The following PIP4K2A variants were observed in gnomAD, a reference collection of about 807,000 sequenced individuals.
The protein encoded by PIP4K2A is phosphatidylinositol 5-phosphate 4-kinase type-2 alpha.
A neutral mutation model predicts 42.9 loss-of-function variants in PIP4K2A; 14 were observed. The ratio of observed to expected loss-of-function variants is 0.33; its 90% confidence interval spans 0.22 to 0.51. The LOEUF (loss-of-function observed/expected upper bound fraction) is 0.51, where lower values mean the gene tolerates loss of function less well. Ranked by LOEUF, PIP4K2A falls within the 20% of genes least tolerant of loss-of-function variation. PIP4K2A has a pLI of 0.97. For synonymous variants in PIP4K2A, 192 were observed against 192.2 expected (o/e 1.00, Z 0.01); for missense variants, 434 against 519.8 (o/e 0.83, Z 1.61).
At chr10:22,565,090 C>T (rs375134003) in intron 6 of PIP4K2A, among the ~76,000 whole-genome samples, 33 of 147,536 alleles carry the variant, frequency 2.2e-4, no homozygotes, top group African/African-American at 7.8e-4. Context: ...CTCCTGGCTC[C>T]TGTAAAAGGT....
intron 1 of PIP4K2A, among the ~76,000 whole-genome samples, chr10:22,611,745 C>G (rs140151894): frequency 6.6e-6 from 1 of 152,264 alleles, no homozygotes; most frequent in East Asian, 1.9e-4. Context: ...AGTGGAATAT[C>G]AAAGTTTGAA....
intron 3 of PIP4K2A, among the ~76,000 whole-genome samples, chr10:22,607,371 C>T (rs1266362099): frequency 2.6e-5 from 4 of 152,146 alleles, no homozygotes; most frequent in African/African-American, 9.7e-5. Context: ...GGAAGATGTA[C>T]CACAGGACAC....
Position 22,714,233 on chromosome 10 carries a change from G to T in PIP4K2A, c.94C>A (p.Arg32=), listed in dbSNP as rs1833967910. 5 of 1,612,066 alleles carry T rather than the reference G, an allele frequency of 3.1e-6. No homozygotes were observed. Among genetic ancestry groups the T allele is most frequent in the Non-Finnish European group, 4.2e-6 (5 of 1,178,964 alleles). Residue 32 remains arginine, a synonymous_variant, in exon 1 of 10, where the codon CGG becomes AGG. Transcript: ENST00000376573. The part of the protein sequence containing the change: ...HFVAQKVKLF[R]ASDPLLSVLM... Reference sequence around the variant, plus strand: ...ACGCTGAGCAGCGGGTCGCTGGCCCGAAACAGCTTCACTTTCTGCGCTACG... The same window carrying T: ...ACGCTGAGCAGCGGGTCGCTGGCCCTAAACAGCTTCACTTTCTGCGCTACG...
chr10:22,706,353 T>C (rs1228046334), intron 1 of PIP4K2A, among the ~76,000 whole-genome samples: 2 of 152,236 alleles, frequency 1.3e-5, no homozygotes, highest in Non-Finnish European at 2.9e-5. Context: ...CCCCTCTTGC[T>C]GTGCTCCAGC....
chr10:22,598,047 A>G (rs1041599534), intron 3 of PIP4K2A, among the ~76,000 whole-genome samples: 1 of 152,204 alleles, frequency 6.6e-6, no homozygotes, highest in African/African-American at 2.4e-5. Flanking sequence ...GTCTGCAATA[A>G]AGTGACATTA....
chr10:22,628,013 G>A (rs1203794691), intron 1 of PIP4K2A, among the ~76,000 whole-genome samples: 1 of 152,128 alleles, frequency 6.6e-6, no homozygotes, highest in African/African-American at 2.4e-5. Context: ...AACAGTTGTT[G>A]ACCAAATTTT....
At chr10:22,694,230 A>G (rs1444212778) in intron 1 of PIP4K2A, 1 of 152,198 alleles carries the variant, frequency 6.6e-6, no homozygotes, top group African/African-American at 2.4e-5. Flanking sequence ...AACTGTCAGA[A>G]TGTCTACTTA....
At chr10:22,568,590 G>A (rs1836905093) in intron 5 of PIP4K2A, among the ~76,000 whole-genome samples, 1 of 152,146 alleles carries the variant, frequency 6.6e-6, no homozygotes, top group African/African-American at 2.4e-5. Context: ...CTTGATCTCA[G>A]CAGTTTGTGC....
At chr10:22,672,065 A>G (rs1220442855) in intron 1 of PIP4K2A, among the ~76,000 whole-genome samples, 1 of 152,220 alleles carries the variant, frequency 6.6e-6, no homozygotes, top group African/African-American at 2.4e-5. Flanking sequence ...GGTATATCAT[A>G]ACCTGAAGCA....
rs1416275226 is a variant in PIP4K2A at position 22,542,016 on chromosome 10, C to A, written c.824G>T (p.Ser275Ile). 6.2e-7 allele frequency: 1 copy of A among 1,612,796 alleles called. No homozygotes were observed. Among genetic ancestry groups the A allele is most frequent in the South Asian group, 1.1e-5 (1 of 90,840 alleles). Residue 275 changes from serine to isoleucine, a missense_variant, in exon 8 of 10, where the codon AGT (serine) becomes ATT (isoleucine). This residue lies in a region of PIP4K2A where 395 missense variants were observed against 444.5 expected (regional missense o/e 0.89). Transcript: ENST00000376573. ...FLAQLKLMDYSLLVGIHDVER... is the reference protein window; with the variant it reads ...FLAQLKLMDYILLVGIHDVER... The stretch of plus-strand genomic sequence containing the variant: ...CACATCATGAATTCCCACCAGCAGA[C>A]TGTAGTCCATGAGCTTCAGCTGGGC...
chr10:22,538,410 T>C (rs1193261485), intron 9 of PIP4K2A, among the ~76,000 whole-genome samples: 2 of 151,028 alleles, frequency 1.3e-5, no homozygotes, highest in East Asian at 3.9e-4. Flanking sequence ...TTTCACAGGA[T>C]GTATAATATG....
At chr10:22,692,490 G>A (rs1270136771) in intron 1 of PIP4K2A, among the ~76,000 whole-genome samples, 1 of 152,110 alleles carries the variant, frequency 6.6e-6, no homozygotes, top group African/African-American at 2.4e-5. Flanking sequence ...ATCCACACTA[G>A]ATTATTTGAG....
chr10:22,568,975 TGG>T, intron 5 of PIP4K2A: 1 of 1,485,780 alleles, frequency 6.7e-7, no homozygotes, highest in Non-Finnish European at 9.1e-7. Context: ...TCTATTGCCC[TGG>T]GTTACTTGAG....
At chr10:22,615,664 C>T (rs1040818221) in intron 1 of PIP4K2A, among the ~76,000 whole-genome samples, 9 of 152,168 alleles carry the variant, frequency 5.9e-5, no homozygotes, top group African/African-American at 1.4e-4. Context: ...AGTGAAAGCA[C>T]CAGTTATACT....
At chr10:22,683,071 C>T (rs914621437) in intron 1 of PIP4K2A, among the ~76,000 whole-genome samples, 1 of 143,630 alleles carries the variant, frequency 7.0e-6, no homozygotes, top group African/African-American at 2.7e-5. Context: ...AAAACAACAA[C>T]AACAACAACA....
chr10:22,536,199 G>T lies in PIP4K2A; in HGVS notation c.*1002C>A. 1 of 398,370 alleles carries T rather than the reference G, an allele frequency of 2.5e-6. No individual in the cohort carries two copies. Among genetic ancestry groups the T allele is most frequent in the Non-Finnish European group, 4.4e-6 (1 of 225,948 alleles). The allele number at this position is 398,370 out of a possible 1,614,324, so 24.7% of individuals were successfully genotyped here. A position where few individuals can be genotyped will look rare whatever the true frequency, so the allele number is the denominator to read the frequency against. ...CATAAACATCTTATAATTCAGATCT[G>T]CATTTGGTAACAGGAGAATTGAGAG... is the stretch of plus-strand genomic sequence containing the variant. On this transcript the variant is annotated 3_prime_UTR_variant, in exon 10 of 10. Transcript: ENST00000376573.
chr10:22,656,986 G>A (rs1234238978), intron 1 of PIP4K2A, among the ~76,000 whole-genome samples: 1 of 152,144 alleles, frequency 6.6e-6, no homozygotes, highest in African/African-American at 2.4e-5. Context: ...TCGCCAGTTA[G>A]ATTCTAAACT....
intron 3 of PIP4K2A, among the ~76,000 whole-genome samples, chr10:22,604,013 AC>A: frequency 8.5e-6 from 1 of 117,474 alleles, no homozygotes. Context: ...GCGCACGCAC[AC>A]ACACACACAC....
chr10:22,671,850 C>G (rs1369953575), intron 1 of PIP4K2A, among the ~76,000 whole-genome samples: 1 of 151,848 alleles, frequency 6.6e-6, no homozygotes, highest in Non-Finnish European at 1.5e-5. Flanking sequence ...ATGAAGTAGA[C>G]AGGCCCATTA....
Sources: allele counts gnomAD v4.1 joint callset (sites outside exome capture counted in the v4.1 genomes callset), GRCh38; gene constraint gnomAD v4.1.1; regional missense constraint gnomAD v4.1.1; transcripts MANE v1.5; gene names NCBI Gene and HGNC (gene_info 2026-07-23, HGNC 2026-07-21).